CORO7: variants seen among roughly 807,000 people sequenced by gnomAD.
CORO7 encodes the protein coronin 7.
In CORO7, 107 loss-of-function variants were observed where a neutral mutation model predicts 126.6. That is an observed-to-expected ratio of 0.85 (90% CI 0.72 to 0.99). CORO7 has a LOEUF of 0.99. Among genes scored for constraint, CORO7 ranks in the 50% least tolerant of loss-of-function variants. CORO7 has a pLI of 0.00. For synonymous variants in CORO7, 603 were observed against 536.8 expected, an observed-to-expected ratio of 1.12 and a Z score of -1.70; for missense variants, 1,314 against 1,255.8, an observed-to-expected ratio of 1.05 and a Z score of -0.70.
At chr16:4,406,642 T>C (rs778484064) in intron 5 of CORO7, among the ~76,000 whole-genome samples, 2 of 151,806 alleles carry the variant, frequency 1.3e-5, no homozygotes, top group Non-Finnish European at 2.9e-5. Context: ...GTTTTTTGTT[T>C]TGAGATGGAG....
At chr16:4,360,649 C>T (rs911236689) in intron 19 of CORO7, 101 bp from the exon 20 acceptor site, 40 of 1,438,616 alleles carry the variant, frequency 2.8e-5, no homozygotes, top group Non-Finnish European at 3.7e-5. Flanking sequence ...CGCCCCTCCT[C>T]ACTGCTGTTC....
intron 1 of CORO7, among the ~76,000 whole-genome samples, chr16:4,416,155 G>A (rs1416706257): frequency 6.6e-6 from 1 of 152,118 alleles, no homozygotes; most frequent in Non-Finnish European, 1.5e-5. Flanking sequence ...AGGCGGCCTC[G>A]CAGGCCTGGG....
At chr16:4,358,618 A>T (rs1460094219) in intron 23 of CORO7, 135 bp from the exon 24 acceptor site, 5 of 714,132 alleles carry the variant, frequency 7.0e-6, no homozygotes, top group Admixed American at 3.2e-5. Flanking sequence ...TAACGTGTTG[A>T]TCATGTTGAA....
chr16:4,411,022 C>T (rs904036835), intron 3 of CORO7, among the ~76,000 whole-genome samples: 3 of 152,142 alleles, frequency 2.0e-5, no homozygotes, highest in South Asian at 2.1e-4. Context: ...AAGGGGCATG[C>T]GGGATCTTTT....
At chr16:4,381,723 C>A in intron 9 of CORO7, 1 of 1,606,162 alleles carries the variant, frequency 6.2e-7, no homozygotes, top group Non-Finnish European at 8.5e-7. Flanking sequence ...TGCCTGGCGA[C>A]CTCTCGGGCC....
At position 4,360,278 on chromosome 16, in the gene CORO7, C is replaced by T; in HGVS notation, c.2108G>A (p.Ser703Asn). ...GGGATGGGGATGCCTGAGTCCTCAC[C>T]TGTCAAAGCCAGACACCAGCAGACA... ...GRCLLVSGFD[S>N]QSERQLLLYE... Residue 703 changes from serine (S) to asparagine (N), a missense_variant and splice_region_variant, in exon 21 of 28, where the codon AGC (serine) becomes AAC (asparagine). Ser to Asn is a conservative substitution (Grantham distance 46, BLOSUM62 1). Coordinates refer to ENST00000251166, the MANE Select transcript of CORO7 (RefSeq NM_024535.5). 6.2e-7 allele frequency: 1 copy of T among 1,613,550 alleles called. No individual in the cohort carries two copies. Among genetic ancestry groups the T allele is most frequent in the East Asian group, 2.2e-5 (1 of 44,846 alleles).
At chr16:4,398,741 G>T (rs1261351769) in intron 6 of CORO7, among the ~76,000 whole-genome samples, 2 of 151,622 alleles carry the variant, frequency 1.3e-5, no homozygotes, top group Non-Finnish European at 2.9e-5. Flanking sequence ...AGGCCAAGGC[G>T]GGCGGATCAC....
intron 9 of CORO7, among the ~76,000 whole-genome samples, chr16:4,374,769 G>A (rs1009725385): frequency 6.6e-6 from 1 of 152,088 alleles, no homozygotes; most frequent in Non-Finnish European, 1.5e-5. Flanking sequence ...TGGGGGGTTC[G>A]GCATGGGGAG....
chr16:4,411,914 AG>A (rs1422592362), intron 3 of CORO7, among the ~76,000 whole-genome samples: 2 of 151,802 alleles, frequency 1.3e-5, no homozygotes, highest in Non-Finnish European at 2.9e-5. Context: ...GGCACACAAA[AG>A]GTCTCTTTGT....
At chr16:4,375,034 T>C (rs970813790) in intron 9 of CORO7, among the ~76,000 whole-genome samples, 1 of 151,988 alleles carries the variant, frequency 6.6e-6, no homozygotes, top group South Asian at 2.1e-4. Flanking sequence ...GACTGGCCCA[T>C]TTCTAGTTGG....
chr16:4,356,831 G>A, intron 26 of CORO7: 1 of 322,974 alleles, frequency 3.1e-6, no homozygotes, highest in South Asian at 3.3e-5. Context: ...CTGAGAGGCT[G>A]CGGCATGTGG....
intron 9 of CORO7, among the ~76,000 whole-genome samples, chr16:4,366,059 T>G (rs1401790317): frequency 6.6e-6 from 1 of 152,192 alleles, no homozygotes; most frequent in Non-Finnish European, 1.5e-5. Context: ...TTACCCCACG[T>G]TTCCTGTGCC....
rs2053919263 is a variant in CORO7 at position 4,354,722 on chromosome 16, C to T, written c.*436G>A. 1 of 192,058 alleles carries T rather than the reference C, an allele frequency of 5.2e-6. No individual in the cohort carries two copies. The highest frequency in any genetic ancestry group is 2.3e-5 in the African/African-American group (1 of 43,068). The allele number at this position is 192,058 out of a possible 1,614,324, so 11.9% of individuals were successfully genotyped here. A position where few individuals can be genotyped will look rare whatever the true frequency, so the allele number is the denominator to read the frequency against. On this transcript the variant is annotated 3_prime_UTR_variant, in exon 28 of 28. Transcript: ENST00000251166. ...CTGAGACTGGTGCTGCTCTAGAAGG[C>T]CTGGTGGGGGGCCAGCCCCCAAGGC...
At chr16:4,403,973 C>G (rs2141308628) in intron 6 of CORO7, among the ~76,000 whole-genome samples, 1 of 152,312 alleles carries the variant, frequency 6.6e-6, no homozygotes, top group Non-Finnish European at 1.5e-5. Context: ...AGCACGCATA[C>G]CAGGTCTCCC....
chr16:4,364,056 C>T (rs1256039386), intron 14 of CORO7, among the ~76,000 whole-genome samples: 1 of 151,650 alleles, frequency 6.6e-6, no homozygotes, highest in Non-Finnish European at 1.5e-5. Flanking sequence ...CATGGTGGCA[C>T]ATGCCTGTAA....
rs112162067 is a variant in CORO7, at chr16:4,375,246, G to A, written c.786-9701C>T. Reference sequence around the variant, plus strand: ...GGTGCTACTGAAGGCACCCACCTGGGGCCGGGCCAGCCTCCTGGGTGGAGG... The same window carrying A: ...GGTGCTACTGAAGGCACCCACCTGGAGCCGGGCCAGCCTCCTGGGTGGAGG... On this transcript the variant is annotated intron_variant, in intron 9 of 27. Coordinates refer to ENST00000251166, the MANE Select transcript of CORO7 (RefSeq NM_024535.5). 2.8e-4 allele frequency among the ~76,000 whole-genome samples: 43 copies of A among 152,286 alleles called. 1 individual carries two copies. Among genetic ancestry groups the A allele is most frequent in the Non-Finnish European group, 5.0e-4 (34 of 68,012 alleles).
At position 4,412,359 on chromosome 16, in the gene CORO7, A is replaced by G. The variant is rs2056243772; in HGVS notation, c.229T>C (p.Ser77Pro). 1 of 1,614,032 alleles carries G rather than the reference A, an allele frequency of 6.2e-7. No homozygotes were observed. Among genetic ancestry groups the G allele is most frequent in the African/African-American group, 1.3e-5 (1 of 74,902 alleles). Residue 77 changes from serine (S) to proline (P), a missense_variant, in exon 3 of 28, where the codon TCA (serine) becomes CCA (proline). Coordinates refer to ENST00000251166, the MANE Select transcript of CORO7 (RefSeq NM_024535.5). ...KRRVAHLGCHSDLVTDLDFSP... is the reference protein window; with the variant it reads ...KRRVAHLGCHPDLVTDLDFSP... ...CACTAGTCAGACACCCACTCACCTG[A>G]ATGGCAGCCCAGGTGGGCCACGCGT... is the stretch of plus-strand genomic sequence containing the variant.
At chr16:4,358,148 C>A in intron 24 of CORO7, 45 bp from the exon 25 acceptor site, 1 of 1,588,214 alleles carries the variant, frequency 6.3e-7, no homozygotes, top group South Asian at 1.1e-5. Flanking sequence ...GACCAGGTGC[C>A]CAGGGCACAC....
At chr16:4,365,566 T>C in intron 9 of CORO7, 21 bp from the exon 10 acceptor site, 5 of 1,569,332 alleles carry the variant, frequency 3.2e-6, no homozygotes, top group Non-Finnish European at 4.3e-6. Flanking sequence ...GAGGGCAAGA[T>C]GGCGGGTCAG....
Sources: gnomAD v4.1 joint callset for allele counts (sites outside exome capture counted in the v4.1 genomes callset) on GRCh38, gnomAD v4.1.1 for gene constraint, MANE v1.5 for transcripts, NCBI Gene and HGNC (gene_info 2026-07-23, HGNC 2026-07-21) for gene names.